Variants in NMU observed in about 807,000 individuals in gnomAD.
NMU encodes the protein neuromedin U, also known as neuromedin-U.
NMU carries 29 observed loss-of-function variants against 35.4 expected under a neutral mutation model. The observed-to-expected ratio is 0.82, with a 90% confidence interval of 0.61 to 1.12. The LOEUF (loss-of-function observed/expected upper bound fraction) is 1.12. Among genes scored for constraint, NMU ranks in the 50% most tolerant of loss-of-function variants. The pLI, the probability that NMU is intolerant of heterozygous loss-of-function variation, is 0.00. For missense variants in NMU, 199 were observed against 206.2 expected (o/e 0.97, Z 0.21); for synonymous variants, 78 against 81.3 (o/e 0.96, Z 0.22).
intron 2 of NMU, among the ~76,000 whole-genome samples, chr4:55,617,711 C>T (rs1560521600): frequency 6.6e-6 from 1 of 152,182 alleles, no homozygotes; most frequent in Admixed American, 6.5e-5. Context: ...TACATCACCT[C>T]CAAATGTCAC....
intron 7 of NMU, among the ~76,000 whole-genome samples, chr4:55,603,836 C>CG (rs1406115876): frequency 6.9e-6 from 1 of 144,068 alleles, no homozygotes; most frequent in African/African-American, 2.6e-5. Flanking sequence ...GGTGTGAACC[C>CG]GGGGGGCGGA....
At chr4:55,601,201 C>A (rs1000142990) in intron 7 of NMU, among the ~76,000 whole-genome samples, 2 of 151,910 alleles carry the variant, frequency 1.3e-5, no homozygotes, top group Admixed American at 6.6e-5. Flanking sequence ...TTAAACATTT[C>A]ATTTTAAGCT....
chr4:55,600,345 G>A (rs1466796212), intron 8 of NMU, among the ~76,000 whole-genome samples, 177 bp downstream of exon 8: 6 of 152,134 alleles, frequency 3.9e-5, no homozygotes, highest in Admixed American at 3.9e-4. Context: ...AGAGATCAGA[G>A]ATACTGTGGT....
At chr4:55,605,794 C>A (rs537765438) in intron 6 of NMU, among the ~76,000 whole-genome samples, 2 of 152,310 alleles carry the variant, frequency 1.3e-5, no homozygotes, top group South Asian at 4.1e-4. Flanking sequence ...ATCTAATAAC[C>A]TCCTTTATAA....
chr4:55,618,208 TATTTTA>T (rs1734184266), intron 2 of NMU, among the ~76,000 whole-genome samples: 1 of 152,196 alleles, frequency 6.6e-6, no homozygotes. Flanking sequence ...ATTATTTATT[TATTTTA>T]ATTTTACTTT....
intron 1 of NMU, among the ~76,000 whole-genome samples, chr4:55,633,349 AG>A (rs1715723085): frequency 6.6e-6 from 1 of 151,538 alleles, no homozygotes; most frequent in Middle Eastern, 3.4e-3. Flanking sequence ...AAAAAAAAAA[AG>A]AAAGCGACTA....
intron 2 of NMU, among the ~76,000 whole-genome samples, chr4:55,625,274 C>CA (rs1403224894): frequency 6.9e-6 from 1 of 144,490 alleles, no homozygotes; most frequent in Non-Finnish European, 1.5e-5. Context: ...AGAATGTATA[C>CA]TTTTTTTTTG....
At chr4:55,601,362 A>G (rs1475333449) in intron 7 of NMU, among the ~76,000 whole-genome samples, 1 of 152,132 alleles carries the variant, frequency 6.6e-6, no homozygotes, top group Non-Finnish European at 1.5e-5. Context: ...TTTTTCAACT[A>G]TTTTATAATA....
intron 9 of NMU, among the ~76,000 whole-genome samples, chr4:55,595,638 TATA>T (rs1274805228): frequency 0.018 from 1,947 of 107,694 alleles, 54 homozygotes; most frequent in African/African-American, 0.079. Flanking sequence ...TATATATATA[TATA>T]TATTTTTTTT....
intron 2 of NMU, among the ~76,000 whole-genome samples, chr4:55,619,029 C>T (rs1734246892): frequency 6.6e-6 from 1 of 151,930 alleles, no homozygotes; most frequent in South Asian, 2.1e-4. Flanking sequence ...ACCACCATGC[C>T]TGGCTTATTT....
At chr4:55,596,782 C>T (rs1470137743) in intron 9 of NMU, among the ~76,000 whole-genome samples, 2 of 152,102 alleles carry the variant, frequency 1.3e-5, no homozygotes, top group Admixed American at 1.3e-4. Context: ...AATTGGCTAA[C>T]ACATTAAGAA....
intron 2 of NMU, among the ~76,000 whole-genome samples, chr4:55,625,716 C>T (rs1405321790): frequency 6.6e-6 from 1 of 152,060 alleles, no homozygotes; most frequent in Non-Finnish European, 1.5e-5. Flanking sequence ...TGAGGCATAT[C>T]CTCCATTTGT....
chr4:55,625,235 A>T (rs1409829084), intron 2 of NMU, among the ~76,000 whole-genome samples: 3 of 149,756 alleles, frequency 2.0e-5, no homozygotes, highest in East Asian at 3.9e-4. Context: ...CTGCATCTTA[A>T]CTTCTTTAAA....
chr4:55,607,191 T>A, intron 6 of NMU, 107 bp downstream of exon 6: 1 of 760,736 alleles, frequency 1.3e-6, no homozygotes, highest in East Asian at 2.6e-5. Flanking sequence ...ATATAAACTT[T>A]TAAAGTAAAA....
At chr4:55,595,753 G>C (rs1733157638) in intron 9 of NMU, among the ~76,000 whole-genome samples, 1 of 150,002 alleles carries the variant, frequency 6.7e-6, no homozygotes, top group Admixed American at 6.7e-5. Flanking sequence ...CAATTCTCCT[G>C]CCTCAGCCTC....
chr4:55,625,701 G>A (rs1348384956), intron 2 of NMU, among the ~76,000 whole-genome samples: 2 of 152,036 alleles, frequency 1.3e-5, no homozygotes, highest in Non-Finnish European at 2.9e-5. Flanking sequence ...CTCTTCCAGT[G>A]TATTTGAGGC....
chr4:55,608,574 A>G lies in NMU; in HGVS notation c.279+546T>C, dbSNP rs180969857. Among the ~76,000 whole-genome samples the G allele has an allele frequency of 2.4e-3, 372 of 152,324 alleles. 2 individuals carry two copies. Among genetic ancestry groups the G allele is most frequent in the African/African-American group, 8.3e-3 (346 of 41,566 alleles). Reference sequence around the variant, plus strand: ...TAAAATAAGTTCATCCATAAGATAGAGATTATAAAATTAGGTATGGTGCTT... The same window carrying G: ...TAAAATAAGTTCATCCATAAGATAGGGATTATAAAATTAGGTATGGTGCTT... On this transcript the variant is annotated intron_variant, in intron 4 of 9. Transcript: ENST00000264218.
At chr4:55,627,067 C>T (rs868054499) in intron 2 of NMU, among the ~76,000 whole-genome samples, 1 of 152,162 alleles carries the variant, frequency 6.6e-6, no homozygotes, top group Non-Finnish European at 1.5e-5. Flanking sequence ...TTCTGGCTGG[C>T]GCAAGCACAG....
chr4:55,635,480 T>C (rs994684321), intron 1 of NMU, among the ~76,000 whole-genome samples: 1 of 152,190 alleles, frequency 6.6e-6, no homozygotes, highest in Non-Finnish European at 1.5e-5. Flanking sequence ...AAGTTCTCTA[T>C]TCCTTTTCCT....
Sources: gnomAD v4.1 joint callset for allele counts (sites outside exome capture counted in the v4.1 genomes callset) on GRCh38, gnomAD v4.1.1 for gene constraint, MANE v1.5 for transcripts, NCBI Gene and HGNC (gene_info 2026-07-23, HGNC 2026-07-21) for gene names.